The following VEZT variants were observed in gnomAD, a reference collection of about 807,000 sequenced individuals.
VEZT encodes vezatin.
Under a neutral mutation model 79.9 loss-of-function variants are expected in VEZT, and 39 were observed. That is an observed-to-expected ratio of 0.49 (90% CI 0.38 to 0.64). The LOEUF is 0.64. Ranked by LOEUF, VEZT falls within the 30% of genes least tolerant of loss-of-function variation. The pLI is 0.00. For synonymous variants in VEZT, 325 were observed against 327.6 expected (o/e 0.99, Z 0.09); for missense variants, 837 against 893.1 (o/e 0.94, Z 0.80).
At position 95,274,779 on chromosome 12, in the gene VEZT, T is replaced by C. The variant is rs2067299579; in HGVS notation, c.886T>C (p.Tyr296His). The change falls in exon 7 of 12, where the codon TAC becomes CAC. Residue 296 changes from tyrosine (Y) to histidine (H), a missense_variant. Physicochemically the swap from Tyr to His is moderately conservative, Grantham distance 83. Coordinates refer to ENST00000436874, the MANE Select transcript of VEZT (RefSeq NM_017599.4). ...CTCTGAGAGTGACAATGTAACCAACTACATCTGTGTGGTGCCTTTTAAAGA... is the reference window on the plus strand; with the variant it reads ...CTCTGAGAGTGACAATGTAACCAACCACATCTGTGTGGTGCCTTTTAAAGA... ...LNSESDNVTN[Y>H]ICVVPFKELG... 7 of 1,613,718 alleles carry C rather than the reference T, an allele frequency of 4.3e-6. No individual in the cohort carries two copies. The highest frequency in any genetic ancestry group is 5.1e-6 in the Non-Finnish European group (6 of 1,179,788).
chr12:95,225,628 G>A (rs1403977607), intron 1 of VEZT, among the ~76,000 whole-genome samples: 1 of 152,014 alleles, frequency 6.6e-6, no homozygotes, highest in African/African-American at 2.4e-5. Flanking sequence ...CTAACAAAGT[G>A]ATACCTTGGT....
intron 7 of VEZT, among the ~76,000 whole-genome samples, chr12:95,280,479 T>TAC (rs34219058): frequency 0.059 from 6,899 of 117,766 alleles, 340 homozygotes; most frequent in African/African-American, 0.12. Context: ...TACACACACA[T>TAC]ACACACACAC....
chr12:95,285,377 G>C (rs2139411259), intron 8 of VEZT, among the ~76,000 whole-genome samples: 1 of 152,166 alleles, frequency 6.6e-6, no homozygotes, highest in Middle Eastern at 3.4e-3. Context: ...CCTGGAGGTT[G>C]AGGTTGCAGT....
intron 1 of VEZT, among the ~76,000 whole-genome samples, chr12:95,234,353 T>C (rs982932827): frequency 1.3e-5 from 2 of 150,872 alleles, no homozygotes; most frequent in African/African-American, 4.9e-5. Flanking sequence ...AATGGCGCGA[T>C]CTGGGCTCAC....
At chr12:95,257,017 T>C in intron 2 of VEZT, 133 bp from the exon 3 acceptor site, 1 of 677,476 alleles carries the variant, frequency 1.5e-6, no homozygotes, top group Non-Finnish European at 2.4e-6. Flanking sequence ...ACTGACAAGG[T>C]ATATAACCTG....
At chr12:95,250,747 ATT>A (rs3080327) in intron 1 of VEZT, among the ~76,000 whole-genome samples, 4 of 142,874 alleles carry the variant, frequency 2.8e-5, no homozygotes, top group South Asian at 2.2e-4. Flanking sequence ...GGTTGGGGTG[ATT>A]TTTTTTTTTT....
Position 95,266,371 on chromosome 12 carries a change from T to C in VEZT, c.449T>C (p.Leu150Pro), listed in dbSNP as rs1444003138. Reference protein sequence around the residue: ...ATPNIWDLSMLFAFISLLVML... With the variant: ...ATPNIWDLSMPFAFISLLVML... ...CTTGTTCCCAGGGATCTCTCAATGCTATTTGCCTTCATTAGCTTGCTCGTT... is the reference window on the plus strand; with the variant it reads ...CTTGTTCCCAGGGATCTCTCAATGCCATTTGCCTTCATTAGCTTGCTCGTT... The change falls in exon 5 of 12, where the codon CTA becomes CCA. Residue 150 changes from leucine (L) to proline (P), a missense_variant. By Grantham distance (98) the Leu-to-Pro change is moderately conservative (BLOSUM62 -3). Transcript: ENST00000436874. 1 of 1,613,494 alleles carries C rather than the reference T, an allele frequency of 6.2e-7. No homozygotes were observed. The highest frequency in any genetic ancestry group is 8.5e-7 in the Non-Finnish European group (1 of 1,179,666).
In VEZT at chr12:95,256,572, C is replaced by G. The variant is rs545366763; in HGVS notation, c.169-578C>G. The G allele has an allele frequency of 2.2e-5, 29 of 1,289,140 alleles. No homozygotes were observed. In the African/African-American group the frequency reaches 3.0e-4, roughly 13 times the overall value. 79.9% of individuals were successfully genotyped at this position (1,289,140 alleles called of 1,614,324 possible). ...CAGTACCTGGGATATAGTAATCACT[C>G]AATGAATATAAACTGCACTTACTGG... is the stretch of plus-strand genomic sequence containing the variant. On this transcript the variant is annotated intron_variant, in intron 2 of 11. Coordinates refer to ENST00000436874, the MANE Select transcript of VEZT (RefSeq NM_017599.4).
chr12:95,264,147 T>A (rs1170783072), intron 4 of VEZT, among the ~76,000 whole-genome samples: 1 of 152,220 alleles, frequency 6.6e-6, no homozygotes, highest in Non-Finnish European at 1.5e-5. Context: ...CCTGTCACAC[T>A]GACAAATGCT....
intron 1 of VEZT, among the ~76,000 whole-genome samples, chr12:95,245,892 T>C (rs941263331): frequency 1.3e-5 from 2 of 152,188 alleles, no homozygotes; most frequent in Non-Finnish European, 2.9e-5. Flanking sequence ...GGTGGGAAGA[T>C]TGCTTGATCT....
At chr12:95,286,023 C>T (rs1021769558) in intron 8 of VEZT, among the ~76,000 whole-genome samples, 4 of 111,462 alleles carry the variant, frequency 3.6e-5, no homozygotes, top group Non-Finnish European at 6.7e-5. Flanking sequence ...TAGAGTCTGT[C>T]ACTCTGTTGC....
intron 3 of VEZT, among the ~76,000 whole-genome samples, chr12:95,260,977 G>A (rs752023984): frequency 3.5e-5 from 5 of 144,114 alleles, no homozygotes; most frequent in Non-Finnish European, 7.5e-5. Flanking sequence ...GTGCTGCAGA[G>A]GTACATGCAG....
chr12:95,267,763 C>G (rs997426386), intron 5 of VEZT, among the ~76,000 whole-genome samples: 5 of 152,098 alleles, frequency 3.3e-5, no homozygotes, highest in African/African-American at 1.2e-4. Context: ...GGCTCACACC[C>G]GTAATCCCAG....
Position 95,266,555 on chromosome 12 carries a change from C to G in VEZT, c.633C>G (p.Ser211Arg). Residue 211 changes from serine (S) to arginine (R), a missense_variant, in exon 5 of 12, where the codon AGC becomes AGG. Coordinates refer to ENST00000436874, the MANE Select transcript of VEZT (RefSeq NM_017599.4). ...SVHLEDMATNSRAFTNLVRKA... is the reference protein window; with the variant it reads ...SVHLEDMATNRRAFTNLVRKA... ...ATTTGGAAGATATGGCCACAAACAG[C>G]CGAGCTTTTACTAACCTCGTGAGAA... 5.0e-6 allele frequency: 8 copies of G among 1,613,904 alleles called. No homozygotes were observed. Among genetic ancestry groups the G allele is most frequent in the Non-Finnish European group, 6.8e-6 (8 of 1,179,870 alleles).
intron 9 of VEZT, among the ~76,000 whole-genome samples, chr12:95,289,506 C>T (rs1594133098): frequency 2.6e-5 from 4 of 151,238 alleles, no homozygotes; most frequent in African/African-American, 9.7e-5. Context: ...TAGTCTATCG[C>T]TTATCCACTA....
chr12:95,261,781 C>T (rs907032267), intron 3 of VEZT, among the ~76,000 whole-genome samples: 6 of 152,330 alleles, frequency 3.9e-5, no homozygotes, highest in Admixed American at 3.3e-4. Flanking sequence ...TGCAGGGAAA[C>T]ACAGCTACCA....
Position 95,302,101 on chromosome 12 carries a change from G to T in VEZT, c.*1428G>T, listed in dbSNP as rs533597660. Reference sequence around the variant, plus strand: ...AAATTTCAATTTTAAAAATCTTTGTGTGTTATAACTGTTAAATTATTCAAT... The same window carrying T: ...AAATTTCAATTTTAAAAATCTTTGTTTGTTATAACTGTTAAATTATTCAAT... On this transcript the variant is annotated 3_prime_UTR_variant, in exon 12 of 12. Coordinates refer to ENST00000436874, the MANE Select transcript of VEZT (RefSeq NM_017599.4). 1.4e-4 allele frequency: 22 copies of T among 152,128 alleles called. No homozygotes were observed. The highest frequency in any genetic ancestry group is 5.1e-4 in the African/African-American group (21 of 41,496). 9.4% of individuals were successfully genotyped at this position (152,128 alleles called of 1,614,324 possible).
At chr12:95,226,972 A>G (rs1264399889) in intron 1 of VEZT, among the ~76,000 whole-genome samples, 1 of 152,198 alleles carries the variant, frequency 6.6e-6, no homozygotes, top group African/African-American at 2.4e-5. Flanking sequence ...TCAGTCTTGG[A>G]CCTCTCAGGC....
intron 5 of VEZT, 48 bp downstream of exon 5, chr12:95,266,680 A>G (rs1257809530): frequency 5.4e-6 from 8 of 1,478,704 alleles, no homozygotes; most frequent in African/African-American, 2.8e-5. Flanking sequence ...TTTCTATTCC[A>G]TAAAGGAGAA....
Sources: allele counts gnomAD v4.1 joint callset (sites outside exome capture counted in the v4.1 genomes callset), GRCh38; gene constraint gnomAD v4.1.1; transcripts MANE v1.5; gene names NCBI Gene and HGNC (gene_info 2026-07-23, HGNC 2026-07-21).